Variants in HS3ST3A1 observed in about 807,000 individuals in gnomAD.
HS3ST3A1 encodes the protein heparan sulfate glucosamine 3-O-sulfotransferase 3A1.
A neutral mutation model predicts 25.7 loss-of-function variants in HS3ST3A1; 19 were observed. The observed-to-expected ratio is 0.74, with a 90% CI of 0.52 to 1.08. The LOEUF is 1.08. HS3ST3A1 is among the 50% of genes least tolerant of loss of function. The probability of loss-of-function intolerance (pLI) is 0.00; values close to 1 mark genes in which losing one functional copy is unlikely to be tolerated. For missense variants in HS3ST3A1, 459 were observed against 594.3 expected (o/e 0.77, Z 2.37); for synonymous variants, 226 against 278.6 (o/e 0.81, Z 1.88).
chr17:13,563,096 T>G (rs779590298), intron 1 of HS3ST3A1, among the ~76,000 whole-genome samples: 1 of 150,740 alleles, frequency 6.6e-6, no homozygotes, highest in Non-Finnish European at 1.5e-5. Context: ...ATGCTGCAAA[T>G]GGGAAGCAGG....
Position 13,508,979 on chromosome 17 carries a change from T to A in HS3ST3A1, c.600-12161A>T, listed in dbSNP as rs78314662. Among the ~76,000 whole-genome samples, 14 of 150,906 alleles carry A rather than the reference T, an allele frequency of 9.3e-5. No individual in the cohort carries two copies. In the South Asian group the frequency reaches 2.9e-3, roughly 32 times the overall value. Reference sequence around the variant, plus strand: ...ATCTCTTTAATTTTTTTTTTTTTTTTAGCCTAAGTGCCAATCTTGCCTCAC... The same window carrying A: ...ATCTCTTTAATTTTTTTTTTTTTTTAAGCCTAAGTGCCAATCTTGCCTCAC... On this transcript the variant is annotated intron_variant, in intron 1 of 1. Coordinates refer to ENST00000284110, the MANE Select transcript of HS3ST3A1 (RefSeq NM_006042.3).
chr17:13,528,867 T>C (rs1299364288), intron 1 of HS3ST3A1, among the ~76,000 whole-genome samples: 1 of 151,522 alleles, frequency 6.6e-6, no homozygotes, highest in Non-Finnish European at 1.5e-5. Flanking sequence ...CAAAGGCATG[T>C]TATAAAGAGC....
chr17:13,545,023 C>T (rs898794576), intron 1 of HS3ST3A1, among the ~76,000 whole-genome samples: 1 of 152,158 alleles, frequency 6.6e-6, no homozygotes. Context: ...GTGGCAATCT[C>T]GGGTGAAGGA....
chr17:13,504,392 T>A (rs113131731), intron 1 of HS3ST3A1, among the ~76,000 whole-genome samples: 13 of 152,232 alleles, frequency 8.5e-5, no homozygotes, highest in African/African-American at 2.2e-4. Flanking sequence ...AAGGAAACAC[T>A]GTATGATTTC....
chr17:13,546,145 A>G (rs913672910), intron 1 of HS3ST3A1, among the ~76,000 whole-genome samples: 1 of 152,042 alleles, frequency 6.6e-6, no homozygotes, highest in Admixed American at 6.6e-5. Flanking sequence ...CCAACTCCTC[A>G]CCACTAAGAT....
intron 1 of HS3ST3A1, among the ~76,000 whole-genome samples, chr17:13,515,702 T>G (rs1418553505): frequency 1.3e-5 from 2 of 152,152 alleles, no homozygotes; most frequent in Non-Finnish European, 2.9e-5. Context: ...ATGTGTAACT[T>G]TATAAGTAAC....
Position 13,559,517 on chromosome 17 carries a change from A to C in HS3ST3A1, c.599+41014T>G, listed in dbSNP as rs951276722. Among the ~76,000 whole-genome samples the C allele has an allele frequency of 4.7e-5, 7 of 148,848 alleles. No individual in the cohort carries two copies. In the Admixed American group the frequency reaches 4.7e-4, roughly 10 times the overall value. The stretch of plus-strand genomic sequence containing the variant: ...TTATATAACATATTACATTAATTAC[A>C]TATTAGATATAATCTTATATTTTAT... On this transcript the variant is annotated intron_variant, in intron 1 of 1. Coordinates refer to ENST00000284110, the MANE Select transcript of HS3ST3A1 (RefSeq NM_006042.3).
intron 1 of HS3ST3A1, among the ~76,000 whole-genome samples, chr17:13,573,558 G>A (rs1907872386): frequency 1.3e-5 from 2 of 152,106 alleles, no homozygotes; most frequent in Admixed American, 1.3e-4. Flanking sequence ...TTCCTCTCCA[G>A]TCTTTCCTGG....
intron 1 of HS3ST3A1, among the ~76,000 whole-genome samples, chr17:13,535,609 A>G (rs1021057302): frequency 2.0e-5 from 3 of 152,206 alleles, no homozygotes; most frequent in African/African-American, 7.2e-5. Context: ...AAATTTGCAG[A>G]CACAAATCTG....
At chr17:13,546,567 A>T (rs1207340149) in intron 1 of HS3ST3A1, among the ~76,000 whole-genome samples, 3 of 152,174 alleles carry the variant, frequency 2.0e-5, no homozygotes, top group African/African-American at 2.4e-5. Flanking sequence ...CGCCCAGCCC[A>T]TATTACGCTT....
chr17:13,541,968 A>C (rs9903006), intron 1 of HS3ST3A1, among the ~76,000 whole-genome samples: 3 of 151,916 alleles, frequency 2.0e-5, no homozygotes, highest in African/African-American at 7.3e-5. Flanking sequence ...AAAATTGGTA[A>C]GTTGAAGCCT....
chr17:13,544,434 A>T (rs1228702701), intron 1 of HS3ST3A1, among the ~76,000 whole-genome samples: 1 of 152,162 alleles, frequency 6.6e-6, no homozygotes, highest in Non-Finnish European at 1.5e-5. Context: ...CTAAGGCAAA[A>T]CTGCCTTTTC....
chr17:13,503,231 G>A (rs1443991975), intron 1 of HS3ST3A1, among the ~76,000 whole-genome samples: 1 of 146,836 alleles, frequency 6.8e-6, no homozygotes, highest in Non-Finnish European at 1.5e-5. Flanking sequence ...AGTAAAAATA[G>A]CTACACAGCA....
intron 1 of HS3ST3A1, among the ~76,000 whole-genome samples, chr17:13,551,210 G>A (rs372556342): frequency 4.3e-4 from 65 of 151,232 alleles, no homozygotes; most frequent in African/African-American, 1.5e-3. Context: ...TTAGGTGGGC[G>A]TGGTTGTGTG....
At chr17:13,501,227 A>G (rs1386760988) in intron 1 of HS3ST3A1, among the ~76,000 whole-genome samples, 1 of 152,168 alleles carries the variant, frequency 6.6e-6, no homozygotes, top group Non-Finnish European at 1.5e-5. Flanking sequence ...GAACCGAACA[A>G]CGGTTAAAAT....
intron 1 of HS3ST3A1, among the ~76,000 whole-genome samples, chr17:13,575,988 CA>C (rs1212690825): frequency 6.6e-6 from 1 of 152,226 alleles, no homozygotes; most frequent in African/African-American, 2.4e-5. Context: ...GTTAGAAATG[CA>C]AATGCTCGGG....
intron 1 of HS3ST3A1, among the ~76,000 whole-genome samples, chr17:13,538,870 G>C (rs190471239): frequency 6.6e-6 from 1 of 152,260 alleles, no homozygotes; most frequent in African/African-American, 2.4e-5. Context: ...GTCATGTACT[G>C]CTGTTTAACA....
In HS3ST3A1 at chr17:13,503,105, G is replaced by A. The variant is rs1369270111; in HGVS notation, c.600-6287C>T. 3.4e-5 allele frequency among the ~76,000 whole-genome samples: 5 copies of A among 149,018 alleles called. No individual in the cohort carries two copies. The East Asian group carries it at 9.9e-4, about 29-fold the overall frequency. ...AGGCAGAATCGCTTGAACCTGGGAGGTAGAGGTTGCAGTGAGCTGAGATCA... is the reference window on the plus strand; with the variant it reads ...AGGCAGAATCGCTTGAACCTGGGAGATAGAGGTTGCAGTGAGCTGAGATCA... On this transcript the variant is annotated intron_variant, in intron 1 of 1. Coordinates refer to ENST00000284110, the MANE Select transcript of HS3ST3A1 (RefSeq NM_006042.3).
Position 13,600,887 on chromosome 17 carries a change from C to T in HS3ST3A1, c.243G>A (p.Trp81Ter). 6.8e-7 allele frequency: 1 copy of T among 1,480,532 alleles called. No individual in the cohort carries two copies. The highest frequency in any genetic ancestry group is 8.9e-7 in the Non-Finnish European group (1 of 1,122,512). The allele number at this position is 1,480,532 out of a possible 1,614,324, so 91.7% of individuals were successfully genotyped here. A position where few individuals can be genotyped will look rare whatever the true frequency, so the allele number is the denominator to read the frequency against. The change falls in exon 1 of 2, where the codon TGG (tryptophan) becomes TGA (stop). Residue 81 changes from tryptophan (W) to a stop codon, truncating the protein, a stop_gained. Coordinates refer to ENST00000284110, the MANE Select transcript of HS3ST3A1 (RefSeq NM_006042.3). LOFTEE classifies it high-confidence loss of function. Reference protein sequence around the residue: ...LAGGPRELAVWPAAAQRKRLL... With the variant: ...LAGGPRELAV ...GGCGCTTTCTCTGTGCCGCCGCCGG[C>T]CACACCGCCAGCTCCCTCGGGCCTC...
Sources: allele counts gnomAD v4.1 joint callset (sites outside exome capture counted in the v4.1 genomes callset), GRCh38; gene constraint gnomAD v4.1.1; transcripts MANE v1.5; gene names NCBI Gene and HGNC (gene_info 2026-07-23, HGNC 2026-07-21).